The following GRID2 variants were observed in gnomAD, a reference collection of about 807,000 sequenced individuals.
The protein encoded by GRID2 is glutamate ionotropic receptor delta type subunit 2.
In GRID2, 33 loss-of-function variants were observed where a neutral mutation model predicts 114.8. The observed-to-expected ratio is 0.29, with a 90% CI of 0.22 to 0.38. The LOEUF is 0.38. Ranked by LOEUF, GRID2 falls within the 10% of genes least tolerant of loss-of-function variation. The pLI, the probability that GRID2 is intolerant of heterozygous loss-of-function variation, is 1.00. For missense variants in GRID2, 1,184 were observed against 1,257.7 expected, an observed-to-expected ratio of 0.94 and a Z score of 0.89; for synonymous variants, 505 against 449.9, an observed-to-expected ratio of 1.12 and a Z score of -1.55.
At chr4:92,430,416 T>C (rs1228722560) in intron 1 of GRID2, among the ~76,000 whole-genome samples, 2 of 152,160 alleles carry the variant, frequency 1.3e-5, no homozygotes, top group Non-Finnish European at 2.9e-5. Flanking sequence ...TCACTGTAGA[T>C]GTATGGATTT....
chr4:92,407,359 T>A (rs1413346544), intron 1 of GRID2, among the ~76,000 whole-genome samples: 1 of 152,212 alleles, frequency 6.6e-6, no homozygotes, highest in African/African-American at 2.4e-5. Context: ...TGATTCCATG[T>A]CCTTGCTATT....
intron 2 of GRID2, among the ~76,000 whole-genome samples, chr4:92,955,898 C>T (rs1419127082): frequency 2.0e-5 from 3 of 152,050 alleles, no homozygotes; most frequent in African/African-American, 7.2e-5. Flanking sequence ...GCTTGTTTTT[C>T]TCAGTAGAGA....
At chr4:92,863,627 G>C (rs1744673518) in intron 2 of GRID2, among the ~76,000 whole-genome samples, 1 of 152,090 alleles carries the variant, frequency 6.6e-6, no homozygotes, top group South Asian at 2.1e-4. Context: ...TAGTATTAGT[G>C]TGTATCTTCA....
At chr4:92,606,489 T>C (rs960458896) in intron 2 of GRID2, among the ~76,000 whole-genome samples, 2 of 151,948 alleles carry the variant, frequency 1.3e-5, no homozygotes, top group Non-Finnish European at 2.9e-5. Flanking sequence ...AGGTAAGGCA[T>C]TTATTTTCTG....
chr4:93,374,306 G>A (rs1187922133), intron 8 of GRID2, among the ~76,000 whole-genome samples: 5 of 152,102 alleles, frequency 3.3e-5, no homozygotes, highest in Non-Finnish European at 7.4e-5. Context: ...GGATAATGAT[G>A]GAGCACATGT....
In GRID2 at chr4:93,224,351, G is replaced by C. The variant is rs375106349; in HGVS notation, c.964-263G>C. 6.6e-5 allele frequency among the ~76,000 whole-genome samples: 10 copies of C among 152,206 alleles called. No homozygotes were observed. The East Asian group carries it at 1.7e-3, about 26-fold the overall frequency. ...GTCTAACACTAACAGCCTTATCTCT[G>C]TCGAAATTTCTTTCTTTCCTTTTTT... On this transcript the variant is annotated intron_variant, in intron 6 of 15. Coordinates refer to ENST00000282020, the MANE Select transcript of GRID2 (RefSeq NM_001510.4).
chr4:93,649,621 G>A (rs1722411489), intron 14 of GRID2, among the ~76,000 whole-genome samples: 1 of 151,986 alleles, frequency 6.6e-6, no homozygotes, highest in African/African-American at 2.4e-5. Context: ...TAAAATCACA[G>A]AACCATAAAC....
chr4:93,201,847 A>G (rs1215883353), intron 4 of GRID2, among the ~76,000 whole-genome samples: 1 of 152,230 alleles, frequency 6.6e-6, no homozygotes, highest in East Asian at 1.9e-4. Flanking sequence ...CCAAAGATTC[A>G]GAAGTTCTAA....
At chr4:92,551,317 A>T (rs1036033017) in intron 1 of GRID2, among the ~76,000 whole-genome samples, 1 of 93,466 alleles carries the variant, frequency 1.1e-5, no homozygotes, top group Non-Finnish European at 2.1e-5. Context: ...CACAGGACTA[A>T]CACAATGAAA....
intron 1 of GRID2, among the ~76,000 whole-genome samples, chr4:92,474,467 T>A (rs1722196574): frequency 1.3e-5 from 2 of 152,138 alleles, no homozygotes; most frequent in African/African-American, 4.8e-5. Context: ...TGAATAAAGC[T>A]GCAGTGGACA....
chr4:92,600,986 C>G (rs1000435926), intron 2 of GRID2, among the ~76,000 whole-genome samples: 2 of 152,196 alleles, frequency 1.3e-5, no homozygotes, highest in Non-Finnish European at 2.9e-5. Context: ...CCAGGAAGGA[C>G]TAAGTCTGTT....
rs575750118 is a variant in GRID2 at position 93,569,839 on chromosome 4, A to G, written c.2193+54428A>G. 9.9e-5 allele frequency among the ~76,000 whole-genome samples: 15 copies of G among 152,256 alleles called. 1 individual carries two copies. The highest frequency in any genetic ancestry group is 3.6e-4 in the African/African-American group (15 of 41,566). On this transcript the variant is annotated intron_variant, in intron 13 of 15. Coordinates refer to ENST00000282020, the MANE Select transcript of GRID2 (RefSeq NM_001510.4). ...CATCTCAGTTCAAATGTTACTTTAAAAAAAGAAACCTACCTGACTACCCGA... is the reference window on the plus strand; with the variant it reads ...CATCTCAGTTCAAATGTTACTTTAAGAAAAGAAACCTACCTGACTACCCGA...
At chr4:93,063,304 C>CT (rs1409418083) in intron 2 of GRID2, among the ~76,000 whole-genome samples, 1 of 151,912 alleles carries the variant, frequency 6.6e-6, no homozygotes, top group Admixed American at 6.6e-5. Context: ...TTCTGTTTCA[C>CT]TTAACAATTT....
chr4:93,557,528 A>G (rs983671570), intron 13 of GRID2, among the ~76,000 whole-genome samples: 4 of 152,356 alleles, frequency 2.6e-5, no homozygotes, highest in African/African-American at 7.2e-5. Context: ...CAATGCAACA[A>G]GAAGAGCTAA....
intron 7 of GRID2, among the ~76,000 whole-genome samples, chr4:93,229,498 G>A (rs1338142649): frequency 6.6e-6 from 1 of 152,174 alleles, no homozygotes; most frequent in African/African-American, 2.4e-5. Context: ...TGGGGCCAAA[G>A]AAAGGGAGGG....
At chr4:92,956,335 G>C (rs965043060) in intron 2 of GRID2, among the ~76,000 whole-genome samples, 2 of 152,100 alleles carry the variant, frequency 1.3e-5, no homozygotes, top group African/African-American at 4.8e-5. Context: ...CACAATTATG[G>C]TATTATGCAG....
At chr4:92,724,108 C>T (rs1735941954) in intron 2 of GRID2, among the ~76,000 whole-genome samples, 1 of 152,068 alleles carries the variant, frequency 6.6e-6, no homozygotes, top group South Asian at 2.1e-4. Context: ...GTACATGGTA[C>T]TATAAGACAT....
chr4:93,659,474 AT>A (rs750581082), intron 14 of GRID2, among the ~76,000 whole-genome samples: 13 of 152,230 alleles, frequency 8.5e-5, no homozygotes, highest in African/African-American at 1.9e-4. Flanking sequence ...ACTTAAAAAA[AT>A]GTGTTAAAAT....
chr4:92,384,589 T>A (rs376403186), intron 1 of GRID2, among the ~76,000 whole-genome samples: 5 of 33,104 alleles, frequency 1.5e-4, no homozygotes, highest in South Asian at 1.0e-3. Context: ...TATATTATAT[T>A]ATATATAACA....
Sources: allele counts gnomAD v4.1 joint callset (sites outside exome capture counted in the v4.1 genomes callset), GRCh38; gene constraint gnomAD v4.1.1; transcripts MANE v1.5; gene names NCBI Gene and HGNC (gene_info 2026-07-23, HGNC 2026-07-21).